BPTF: variants seen among roughly 807,000 people sequenced by gnomAD.
BPTF encodes the protein nucleosome-remodeling factor subunit BPTF.
In BPTF, 18 loss-of-function variants were observed where a neutral mutation model predicts 292.5. The observed-to-expected ratio is 0.06, with a 90% CI of 0.04 to 0.09. The LOEUF is 0.09. Ranked by LOEUF, BPTF falls within the 10% of genes least tolerant of loss-of-function variation. The pLI is 1.00. For synonymous variants in BPTF, 1,225 were observed against 1,251.9 expected (o/e 0.98, Z 0.45); for missense variants, 2,726 against 3,498.7 (o/e 0.78, Z 5.57).
At position 67,911,026 on chromosome 17, in the gene BPTF, A is replaced by G. The variant is rs781747425; in HGVS notation, c.3142A>G (p.Arg1048Gly). 6.2e-6 allele frequency: 10 copies of G among 1,613,696 alleles called. No homozygotes were observed. The highest frequency in any genetic ancestry group is 1.7e-4 in the Middle Eastern group (1 of 6,060). ...CAATGTTAGTGAGGGTTTTCATCTA[A>G]GGACTAGTTACAAAAAGAAAACAAA... ...VVNVSEGFHL[R>G]TSYKKKTKSS... Residue 1048 changes from arginine to glycine, a missense_variant, in exon 11 of 28, where the codon AGG becomes GGG. Arg to Gly is a moderately radical substitution (Grantham distance 125, BLOSUM62 -2). This residue lies in a region of BPTF where 713 missense variants were observed against 714.9 expected (regional missense o/e 1.00). Coordinates refer to ENST00000306378, the MANE Select transcript of BPTF (RefSeq NM_182641.4).
At chr17:67,861,186 C>G (rs986684946) in intron 2 of BPTF, among the ~76,000 whole-genome samples, 3 of 152,110 alleles carry the variant, frequency 2.0e-5, no homozygotes, top group African/African-American at 7.2e-5. Context: ...AAACTTTTTC[C>G]TTTATTGTTT....
chr17:67,903,667 G>T (rs748521559), intron 7 of BPTF, 122 bp from the exon 8 acceptor site: 5 of 827,324 alleles, frequency 6.0e-6, no homozygotes, highest in Non-Finnish European at 8.6e-6. Flanking sequence ...TGTCAGTTGG[G>T]GTTGTCTGGT....
At chr17:67,833,013 G>A (rs940332786) in intron 1 of BPTF, among the ~76,000 whole-genome samples, 12 of 150,508 alleles carry the variant, frequency 8.0e-5, no homozygotes, top group Admixed American at 5.3e-4. Context: ...TGGCCAGGCC[G>A]GTCTCGAACT....
rs778957423 is a variant in BPTF at position 67,866,646 on chromosome 17, A to G, written c.1619A>G (p.Lys540Arg). 3 of 1,613,972 alleles carry G rather than the reference A, an allele frequency of 1.9e-6. No homozygotes were observed. Among genetic ancestry groups the G allele is most frequent in the East Asian group, 4.5e-5 (2 of 44,880 alleles). Residue 540 changes from lysine (K) to arginine (R), a missense_variant, in exon 3 of 28, where the codon AAG (lysine) becomes AGG (arginine). Coordinates refer to ENST00000306378, the MANE Select transcript of BPTF (RefSeq NM_182641.4). ...GACATAACTGAAGACCTGACCAATA[A>G]GGCTCGGGGCAGTAACAAATCCTTT... Reference protein sequence around the residue: ...HMDITEDLTNKARGSNKSFLA... With the variant: ...HMDITEDLTNRARGSNKSFLA...
At chr17:67,959,999 T>C in intron 24 of BPTF, 124 bp downstream of exon 24, 1 of 770,556 alleles carries the variant, frequency 1.3e-6, no homozygotes, top group Non-Finnish European at 2.0e-6. Context: ...GAGTAATGTT[T>C]CATCCATGGT....
Position 67,922,880 on chromosome 17 carries a change from A to C in BPTF, c.5598A>C (p.Ala1866=). Residue 1866 remains alanine (A), a synonymous_variant, in exon 14 of 28, where the codon GCA becomes GCC. Coordinates refer to ENST00000306378, the MANE Select transcript of BPTF (RefSeq NM_182641.4). Reference sequence around the variant, plus strand: ...AGAGGAAAGGCCTTCGATCAAGTGCACTGCGGCCAAAGAGACCAGAAACGC... The same window carrying C: ...AGAGGAAAGGCCTTCGATCAAGTGCCCTGCGGCCAAAGAGACCAGAAACGC... ...TPQRKGLRSS[A]LRPKRPETPK... is the part of the protein sequence containing the mutation. 1.2e-6 allele frequency: 2 copies of C among 1,613,974 alleles called. No homozygotes were observed. Among genetic ancestry groups the C allele is most frequent in the Non-Finnish European group, 1.7e-6 (2 of 1,179,970 alleles).
At chr17:67,853,765 G>T (rs540404919) in intron 1 of BPTF, among the ~76,000 whole-genome samples, 175 bp from the exon 2 acceptor site, 1 of 152,082 alleles carries the variant, frequency 6.6e-6, no homozygotes, top group African/African-American at 2.4e-5. Flanking sequence ...TTTGCATTTA[G>T]ATTTTCTATA....
chr17:67,982,044 A>T, intron 27 of BPTF: 1 of 284,138 alleles, frequency 3.5e-6, no homozygotes. Flanking sequence ...GGCTTTTTCC[A>T]GTGAGCTATT....
At position 67,866,628 on chromosome 17, in the gene BPTF, C is replaced by G; in HGVS notation, c.1601C>G (p.Thr534Ser). Residue 534 changes from threonine to serine, a missense_variant, in exon 3 of 28, where the codon ACT becomes AGT. Coordinates refer to ENST00000306378, the MANE Select transcript of BPTF (RefSeq NM_182641.4). ...GAAATCCACCGACACATGGACATAACTGAAGACCTGACCAATAAGGCTCGG... is the reference window on the plus strand; with the variant it reads ...GAAATCCACCGACACATGGACATAAGTGAAGACCTGACCAATAAGGCTCGG... Reference protein sequence around the residue: ...REEIHRHMDITEDLTNKARGS... With the variant: ...REEIHRHMDISEDLTNKARGS... 6.2e-7 allele frequency: 1 copy of G among 1,613,964 alleles called. No homozygotes were observed. The highest frequency in any genetic ancestry group is 8.5e-7 in the Non-Finnish European group (1 of 1,179,866).
In BPTF at chr17:67,984,219, G is replaced by A. The variant is rs1287179672; in HGVS notation, c.*1931G>A. 6.6e-6 allele frequency: 1 copy of A among 152,208 alleles called. No individual in the cohort carries two copies. The highest frequency in any genetic ancestry group is 1.5e-5 in the Non-Finnish European group (1 of 67,982). The allele number at this position is 152,208 out of a possible 1,614,324, so 9.4% of individuals were successfully genotyped here. On this transcript the variant is annotated 3_prime_UTR_variant, in exon 28 of 28. Transcript: ENST00000306378. ...TTATTCATATATATAAATATATATGGGCTTAATCATTTAAAATTTGTTGCA... is the reference window on the plus strand; with the variant it reads ...TTATTCATATATATAAATATATATGAGCTTAATCATTTAAAATTTGTTGCA...
At chr17:67,941,984 A>C (rs1555672121) in intron 19 of BPTF, among the ~76,000 whole-genome samples, 1 of 152,156 alleles carries the variant, frequency 6.6e-6, no homozygotes, top group Admixed American at 6.5e-5. Flanking sequence ...GAAAGAAAAA[A>C]ATCCAGATAG....
chr17:67,885,162 A>G (rs1035273306), intron 4 of BPTF, among the ~76,000 whole-genome samples: 10 of 152,342 alleles, frequency 6.6e-5, no homozygotes, highest in African/African-American at 2.2e-4. Context: ...GGCAAAAACA[A>G]AGGCAGAGGG....
intron 3 of BPTF, among the ~76,000 whole-genome samples, chr17:67,869,321 T>A (rs1249916111): frequency 6.6e-6 from 1 of 152,206 alleles, no homozygotes; most frequent in Admixed American, 6.5e-5. Context: ...TTAGATTATG[T>A]ATACAGTATA....
At position 67,923,050 on chromosome 17, in the gene BPTF, A is replaced by C. The variant is rs1002537036; in HGVS notation, c.5708+60A>C. 6.6e-6 allele frequency: 10 copies of C among 1,513,726 alleles called. No individual in the cohort carries two copies. The African/African-American group carries it at 7.2e-5, about 11-fold the overall frequency. 93.8% of individuals were successfully genotyped at this position (1,513,726 alleles called of 1,614,324 possible). A position where few individuals can be genotyped will look rare whatever the true frequency, so the allele number is the denominator to read the frequency against. ...AAGATTTTATCACTTCAGAATCAAT[A>C]AATTACTTTTTTTTTTTTTTTTTGA... On this transcript the variant is annotated intron_variant, in intron 14 of 27. Coordinates refer to ENST00000306378, the MANE Select transcript of BPTF (RefSeq NM_182641.4).
Position 67,870,276 on chromosome 17 carries a change from T to C in BPTF, c.1660+3589T>C, listed in dbSNP as rs188093955. On this transcript the variant is annotated intron_variant, in intron 3 of 27. Coordinates refer to ENST00000306378, the MANE Select transcript of BPTF (RefSeq NM_182641.4). ...TCTTTCTTTCCTTTTTTTTTTTTTTTCGGCTAAGGTACAACATCAACCTGG... is the reference window on the plus strand; with the variant it reads ...TCTTTCTTTCCTTTTTTTTTTTTTTCCGGCTAAGGTACAACATCAACCTGG... 2.4e-3 allele frequency among the ~76,000 whole-genome samples: 356 copies of C among 150,916 alleles called. 1 individual carries two copies. The highest frequency in any genetic ancestry group is 7.3e-3 in the African/African-American group (301 of 41,244).
At chr17:67,981,337 C>T in intron 27 of BPTF, 4 of 318,080 alleles carry the variant, frequency 1.3e-5, no homozygotes, top group South Asian at 4.4e-5. Flanking sequence ...CCATATTTTC[C>T]CATTTTATGA....
intron 1 of BPTF, among the ~76,000 whole-genome samples, chr17:67,831,251 A>G (rs557639740): frequency 2.6e-5 from 4 of 152,216 alleles, no homozygotes; most frequent in African/African-American, 7.2e-5. Context: ...AGAGGAATGC[A>G]TTACATATGC....
chr17:67,977,793 G>A (rs1270620631), intron 27 of BPTF: 1 of 150,382 alleles, frequency 6.6e-6, no homozygotes, highest in African/African-American at 2.4e-5. Flanking sequence ...GCTGTGAGCC[G>A]AGAAGGCGCC....
chr17:67,980,876 G>C (rs1368694262), intron 27 of BPTF, among the ~76,000 whole-genome samples: 2 of 152,192 alleles, frequency 1.3e-5, no homozygotes, highest in African/African-American at 4.8e-5. Context: ...AAACAAATTA[G>C]GCTGTGTGCA....
Sources: allele counts gnomAD v4.1 joint callset (sites outside exome capture counted in the v4.1 genomes callset), GRCh38; gene constraint gnomAD v4.1.1; regional missense constraint gnomAD v4.1.1; transcripts MANE v1.5; gene names NCBI Gene and HGNC (gene_info 2026-07-23, HGNC 2026-07-21).